Variants in FRMD6 observed in about 807,000 individuals in gnomAD.
FRMD6 encodes FERM domain-containing protein 6.
A neutral mutation model predicts 73.2 loss-of-function variants in FRMD6; 37 were observed. The observed-to-expected ratio is 0.51, with a 90% CI of 0.39 to 0.66. The LOEUF is 0.66. FRMD6 is among the 30% of genes least tolerant of loss of function. The pLI, the probability that FRMD6 is intolerant of heterozygous loss-of-function variation, is 0.00. For synonymous variants in FRMD6, 273 were observed against 282.2 expected (o/e 0.97, Z 0.33); for missense variants, 714 against 780.5 (o/e 0.91, Z 1.02).
intron 2 of FRMD6, among the ~76,000 whole-genome samples, chr14:51,598,971 CT>C (rs1566494320): frequency 6.6e-6 from 1 of 151,292 alleles, no homozygotes; most frequent in African/African-American, 2.4e-5. Flanking sequence ...AATCTCCAAA[CT>C]GCTTTCCACG....
At chr14:51,604,273 C>A (rs762684663) in intron 2 of FRMD6, among the ~76,000 whole-genome samples, 1 of 152,132 alleles carries the variant, frequency 6.6e-6, no homozygotes, top group African/African-American at 2.4e-5. Flanking sequence ...ACCGGAGATT[C>A]CAAGATGTGT....
intron 2 of FRMD6, among the ~76,000 whole-genome samples, chr14:51,633,352 A>G (rs895177976): frequency 2.0e-5 from 3 of 151,442 alleles, no homozygotes; most frequent in African/African-American, 4.9e-5. Context: ...CTGTAGTCCC[A>G]GCACTTTGGG....
chr14:51,590,903 G>C (rs1374237057), intron 2 of FRMD6, among the ~76,000 whole-genome samples: 1 of 152,210 alleles, frequency 6.6e-6, no homozygotes, highest in East Asian at 1.9e-4. Flanking sequence ...TTAATGTGTA[G>C]CCTGATTTAT....
At chr14:51,448,979 G>A in the FRMD6 span, among the ~76,000 whole-genome samples, 1 of 152,178 alleles carries the variant, frequency 6.6e-6, no homozygotes, top group African/African-American at 2.4e-5. Flanking sequence ...CCAGGTAAAT[G>A]GGACAAGGGT....
chr14:51,722,044 G>A lies in FRMD6; in HGVS notation c.1456G>A (p.Asp486Asn). The A allele has an allele frequency of 5.0e-6, 8 of 1,614,110 alleles. No homozygotes were observed. Among genetic ancestry groups the A allele is most frequent in the East Asian group, 2.2e-5 (1 of 44,878 alleles). The change falls in exon 12 of 14, where the codon GAC becomes AAC. Residue 486 changes from aspartate (D) to asparagine (N), a missense_variant. Asp to Asn is a conservative substitution (Grantham distance 23). Transcript: ENST00000344768. ...SPDMCIYITEDMLMSRKLNGH... is the reference protein window; with the variant it reads ...SPDMCIYITENMLMSRKLNGH... ...AGACATGTGCATCTACATCACAGAG[G>A]ACATGCTCATGTCGCGGAAGCTGAA...
At chr14:51,519,045 C>A (rs1035668495) in intron 1 of FRMD6, among the ~76,000 whole-genome samples, 1 of 152,224 alleles carries the variant, frequency 6.6e-6, no homozygotes, top group Non-Finnish European at 1.5e-5. Context: ...AAGATGCTCA[C>A]TGTTTCACTA....
At chr14:51,702,334 A>C (rs1385968486) in intron 4 of FRMD6, among the ~76,000 whole-genome samples, 178 bp from the exon 5 acceptor site, 1 of 152,088 alleles carries the variant, frequency 6.6e-6, no homozygotes, top group African/African-American at 2.4e-5. Flanking sequence ...TTGTATATGA[A>C]CCTGGTATCT....
chr14:51,538,015 C>G (rs967706001), intron 1 of FRMD6, among the ~76,000 whole-genome samples: 1 of 152,118 alleles, frequency 6.6e-6, no homozygotes, highest in Non-Finnish European at 1.5e-5. Context: ...TTAATGAAGT[C>G]TAGCTTATCA....
At chr14:51,472,246 C>T in the FRMD6 span, among the ~76,000 whole-genome samples, 1 of 152,008 alleles carries the variant, frequency 6.6e-6, no homozygotes, top group Admixed American at 6.6e-5. Flanking sequence ...TTTCAGAATG[C>T]TGGGTGTTCT....
the FRMD6 span, among the ~76,000 whole-genome samples, chr14:51,455,985 G>A: frequency 6.6e-6 from 1 of 152,138 alleles, no homozygotes. Flanking sequence ...TTATTTTCAG[G>A]CAGTGGGTGG....
At chr14:51,646,188 C>T (rs969345061) in intron 2 of FRMD6, among the ~76,000 whole-genome samples, 3 of 151,516 alleles carry the variant, frequency 2.0e-5, no homozygotes, top group African/African-American at 2.4e-5. Flanking sequence ...GGTGGTGGCA[C>T]GCGCCTGTAG....
intron 1 of FRMD6, among the ~76,000 whole-genome samples, chr14:51,657,636 A>G (rs1892929043): frequency 6.6e-6 from 1 of 152,216 alleles, no homozygotes. Flanking sequence ...AGTACATGGT[A>G]GGTGACCTTT....
chr14:51,613,726 G>C (rs1409570390), intron 2 of FRMD6, among the ~76,000 whole-genome samples: 1 of 151,802 alleles, frequency 6.6e-6, no homozygotes, highest in East Asian at 1.9e-4. Context: ...GTCCCTCTTT[G>C]CTCTAAGAAA....
chr14:51,611,716 T>C (rs1282262441), intron 2 of FRMD6, among the ~76,000 whole-genome samples: 2 of 152,232 alleles, frequency 1.3e-5, no homozygotes, highest in African/African-American at 4.8e-5. Flanking sequence ...TGGATACGCA[T>C]AGCACTAGAG....
intron 1 of FRMD6, among the ~76,000 whole-genome samples, chr14:51,526,886 C>T (rs1337860803): frequency 6.6e-6 from 1 of 152,170 alleles, no homozygotes; most frequent in Admixed American, 6.5e-5. Flanking sequence ...AAATGAATTT[C>T]CTGTGGGTTC....
chr14:51,686,838 C>G (rs1895187419), intron 1 of FRMD6, among the ~76,000 whole-genome samples: 1 of 152,092 alleles, frequency 6.6e-6, no homozygotes. Flanking sequence ...TTCTTTTCCC[C>G]AGGACTGCCC....
upstream of FRMD6, among the ~76,000 whole-genome samples, chr14:51,488,514 T>C (rs943179384): frequency 1.3e-5 from 2 of 152,194 alleles, no homozygotes; most frequent in African/African-American, 4.8e-5. Context: ...TATTTCTACA[T>C]CCTCTCTACT....
At chr14:51,723,876 A>T (rs35337287) in intron 12 of FRMD6, among the ~76,000 whole-genome samples, 17,406 of 152,148 alleles carry the variant, frequency 0.11, 1,183 homozygotes, top group Non-Finnish European at 0.16. Flanking sequence ...TTAATAACAT[A>T]AGAAGGATAG....
intron 2 of FRMD6, among the ~76,000 whole-genome samples, chr14:51,615,329 T>C (rs1005041040): frequency 2.0e-5 from 3 of 152,214 alleles, no homozygotes; most frequent in Non-Finnish European, 4.4e-5. Flanking sequence ...TTACTAATCA[T>C]TATTGTCGGA....
Sources: allele counts gnomAD v4.1 joint callset (sites outside exome capture counted in the v4.1 genomes callset), GRCh38; gene constraint gnomAD v4.1.1; transcripts MANE v1.5; gene names NCBI Gene and HGNC (gene_info 2026-07-23, HGNC 2026-07-21).